Variants in CTNNBIP1 observed in about 807,000 individuals in gnomAD.
The protein encoded by CTNNBIP1 is beta-catenin-interacting protein 1.
Under a neutral mutation model 11.8 loss-of-function variants are expected in CTNNBIP1, and 7 were observed. The observed-to-expected ratio is 0.60, with a 90% CI of 0.34 to 1.12. CTNNBIP1 has a LOEUF of 1.12. Ranked by LOEUF, CTNNBIP1 falls within the 50% of genes most tolerant of loss-of-function variation. The probability of loss-of-function intolerance (pLI) is 0.03; values close to 1 mark genes in which losing one functional copy is unlikely to be tolerated. For synonymous variants in CTNNBIP1, 58 were observed against 43.9 expected, an observed-to-expected ratio of 1.32 and a Z score of -1.26; for missense variants, 101 against 113.4, an observed-to-expected ratio of 0.89 and a Z score of 0.50.
intron 1 of CTNNBIP1, among the ~76,000 whole-genome samples, chr1:9,904,498 C>T (rs1238338179): frequency 2.0e-5 from 3 of 152,060 alleles, no homozygotes; most frequent in Admixed American, 6.6e-5. Flanking sequence ...ACAACCAATG[C>T]TTTCTAGATA....
In CTNNBIP1 at chr1:9,871,542, A is replaced by G. The variant is rs568578843; in HGVS notation, c.97-265T>C. ...TTCTAGTATAGGGCCAGTGGAAGACACAAGTCCTGCCCGGAAGGCTGAGGG... is the reference window on the plus strand; with the variant it reads ...TTCTAGTATAGGGCCAGTGGAAGACGCAAGTCCTGCCCGGAAGGCTGAGGG... On this transcript the variant is annotated intron_variant, in intron 4 of 5. Coordinates refer to ENST00000377263, the MANE Select transcript of CTNNBIP1 (RefSeq NM_020248.3). This position sits in a 1 kb window ranked among gnomAD's most constrained non-coding sequence, Gnocchi z 5.2. 6.6e-6 allele frequency among the ~76,000 whole-genome samples: 1 copy of G among 152,074 alleles called. No individual in the cohort carries two copies. Among genetic ancestry groups the G allele is most frequent in the Non-Finnish European group, 1.5e-5 (1 of 68,004 alleles).
intron 1 of CTNNBIP1, among the ~76,000 whole-genome samples, chr1:9,888,600 C>T (rs1191469133): frequency 6.6e-6 from 1 of 152,082 alleles, no homozygotes; most frequent in African/African-American, 2.4e-5. Context: ...GGGAGAGGCC[C>T]TGCATCTGTC....
chr1:9,856,658 C>T (rs546640784), intron 5 of CTNNBIP1, among the ~76,000 whole-genome samples: 17 of 151,738 alleles, frequency 1.1e-4, no homozygotes, highest in African/African-American at 9.7e-5. Flanking sequence ...GGATTACAGT[C>T]GCCAGCCACC....
chr1:9,885,675 G>A (rs1258139590), intron 1 of CTNNBIP1, among the ~76,000 whole-genome samples: 1 of 151,978 alleles, frequency 6.6e-6, no homozygotes, highest in Non-Finnish European at 1.5e-5. Flanking sequence ...CAGGTGCGGT[G>A]GCTCAGACCT....
chr1:9,909,852 G>A (rs1203101583), intron 1 of CTNNBIP1, among the ~76,000 whole-genome samples: 2 of 152,054 alleles, frequency 1.3e-5, no homozygotes, highest in Non-Finnish European at 2.9e-5. Flanking sequence ...GGTGGGCGGC[G>A]CGGACACCTG....
intron 5 of CTNNBIP1, among the ~76,000 whole-genome samples, chr1:9,855,242 T>C (rs1478333364): frequency 6.7e-6 from 1 of 150,188 alleles, no homozygotes; most frequent in Non-Finnish European, 1.5e-5. Flanking sequence ...CTTGGGGAGT[T>C]TGTAAAAATT....
intron 5 of CTNNBIP1, among the ~76,000 whole-genome samples, chr1:9,857,668 G>A (rs1638537278): frequency 6.6e-6 from 1 of 152,006 alleles, no homozygotes; most frequent in Non-Finnish European, 1.5e-5. Context: ...AGATGTGGTG[G>A]TGCGCTCCTG....
chr1:9,908,466 C>T (rs1052573281), intron 1 of CTNNBIP1, among the ~76,000 whole-genome samples: 2 of 150,758 alleles, frequency 1.3e-5, no homozygotes, highest in Non-Finnish European at 1.5e-5. Context: ...TTCCACCTCC[C>T]GGGTTCACGC....
At chr1:9,868,672 G>C (rs1206914447) in intron 5 of CTNNBIP1, among the ~76,000 whole-genome samples, 1 of 152,182 alleles carries the variant, frequency 6.6e-6, no homozygotes, top group Non-Finnish European at 1.5e-5. Flanking sequence ...CTGTTGCCCA[G>C]GCTGGAGTAA....
At position 9,849,812 on chromosome 1, in the gene CTNNBIP1, G is replaced by A. The variant is rs1165526680; in HGVS notation, c.*906C>T. ...CGCTGGCTGGTTGCCAGCTCATGCA[G>A]GCAGTGCACATAAATCCCGCCTAAC... On this transcript the variant is annotated 3_prime_UTR_variant, in exon 6 of 6. Transcript: ENST00000377263. 1 of 152,282 alleles carries A rather than the reference G, an allele frequency of 6.6e-6. No individual in the cohort carries two copies. Among genetic ancestry groups the A allele is most frequent in the Non-Finnish European group, 1.5e-5 (1 of 68,100 alleles). 9.4% of individuals were successfully genotyped at this position (152,282 alleles called of 1,614,324 possible).
chr1:9,878,016 G>C (rs1639007491), intron 2 of CTNNBIP1, 27 bp from the exon 3 acceptor site: 1 of 152,760 alleles, frequency 6.5e-6, no homozygotes, highest in African/African-American at 2.4e-5. Context: ...CACAGGTTGT[G>C]GGAGGAGTCG....
At chr1:9,855,027 G>A (rs995783818) in intron 5 of CTNNBIP1, among the ~76,000 whole-genome samples, 1 of 151,910 alleles carries the variant, frequency 6.6e-6, no homozygotes, top group Non-Finnish European at 1.5e-5. Flanking sequence ...CAGGATACAA[G>A]GTCAATATAC....
At chr1:9,855,690 A>T (rs1354964572) in intron 5 of CTNNBIP1, among the ~76,000 whole-genome samples, 3 of 151,858 alleles carry the variant, frequency 2.0e-5, no homozygotes, top group Non-Finnish European at 4.4e-5. Context: ...AAGAAAATAT[A>T]GAAACAAATT....
Position 9,872,061 on chromosome 1 carries a change from T to C in CTNNBIP1, c.4A>G (p.Asn2Asp). Reference sequence around the variant, plus strand: ...CTCTTCCCGGGAGCTCCCTCGCGGTTCATCCCCCTGCCTGGCTCTGGGGAC... The same window carrying C: ...CTCTTCCCGGGAGCTCCCTCGCGGTCCATCCCCCTGCCTGGCTCTGGGGAC... MNREGAPGKSPE... is the reference protein window; with the variant it reads MDREGAPGKSPE... Residue 2 changes from asparagine (N) to aspartate (D), a missense_variant, in exon 4 of 6, where the codon AAC becomes GAC. Coordinates refer to ENST00000377263, the MANE Select transcript of CTNNBIP1 (RefSeq NM_020248.3). The surrounding 1 kb of genome is among the most constrained non-coding windows in gnomAD (Gnocchi z 4.0). 1 of 1,613,886 alleles carries C rather than the reference T, an allele frequency of 6.2e-7. No homozygotes were observed. Among genetic ancestry groups the C allele is most frequent in the Non-Finnish European group, 8.5e-7 (1 of 1,179,734 alleles).
At chr1:9,898,300 C>T (rs559444253) in intron 1 of CTNNBIP1, among the ~76,000 whole-genome samples, 10 of 152,054 alleles carry the variant, frequency 6.6e-5, no homozygotes, top group South Asian at 2.1e-4. Context: ...CCAAGGTGGG[C>T]GCATCACGAG....
intron 1 of CTNNBIP1, among the ~76,000 whole-genome samples, chr1:9,903,242 T>C (rs1007973673): frequency 2.6e-5 from 4 of 152,174 alleles, no homozygotes; most frequent in African/African-American, 7.2e-5. Context: ...GTCTCTGTGA[T>C]CCTGGCTTAT....
intron 5 of CTNNBIP1, among the ~76,000 whole-genome samples, chr1:9,860,672 C>T (rs1246549438): frequency 1.3e-5 from 2 of 151,762 alleles, no homozygotes; most frequent in East Asian, 1.9e-4. Flanking sequence ...CCCAGCTCCC[C>T]ACAACCATGT....
At chr1:9,864,370 C>T (rs1638697072) in intron 5 of CTNNBIP1, among the ~76,000 whole-genome samples, 1 of 152,248 alleles carries the variant, frequency 6.6e-6, no homozygotes, top group Admixed American at 6.5e-5. Flanking sequence ...GCTCTGTCGC[C>T]CAGGCTGGAG....
chr1:9,869,556 C>T lies in CTNNBIP1; in HGVS notation c.187+1631G>A, dbSNP rs148284426. ...GTCAGGCTGGTCTAGAACTCCTGAC[C>T]TCAGGTGATCCACCTGCCTTGGCCT... On this transcript the variant is annotated intron_variant, in intron 5 of 5. Transcript: ENST00000377263. 7.2e-5 allele frequency among the ~76,000 whole-genome samples: 11 copies of T among 152,236 alleles called. No individual in the cohort carries two copies. In the East Asian group the frequency reaches 1.9e-3, roughly 27 times the overall value.
Sources: allele counts gnomAD v4.1 joint callset (sites outside exome capture counted in the v4.1 genomes callset), GRCh38; gene constraint gnomAD v4.1.1; non-coding constraint Gnocchi (gnomAD v3.1); transcripts MANE v1.5; gene names NCBI Gene and HGNC (gene_info 2026-07-23, HGNC 2026-07-21).